The following CACNA2D1 variants were observed in gnomAD, a reference collection of about 807,000 sequenced individuals.
CACNA2D1 encodes the protein voltage-dependent calcium channel subunit alpha-2/delta-1.
CACNA2D1 carries 53 observed loss-of-function variants against 171.5 expected under a neutral mutation model. That is an observed-to-expected ratio of 0.31 (90% CI 0.25 to 0.39). CACNA2D1 has a LOEUF of 0.39. CACNA2D1 is among the 10% of genes least tolerant of loss of function. The probability of loss-of-function intolerance (pLI) is 1.00; values close to 1 mark genes in which losing one functional copy is unlikely to be tolerated. For synonymous variants in CACNA2D1, 442 were observed against 443.1 expected, an observed-to-expected ratio of 1.00 and a Z score of 0.03; for missense variants, 903 against 1,299.8, an observed-to-expected ratio of 0.69 and a Z score of 4.69.
At chr7:82,008,884 G>A (rs1403098845) in intron 15 of CACNA2D1, among the ~76,000 whole-genome samples, 2 of 152,052 alleles carry the variant, frequency 1.3e-5, no homozygotes, top group African/African-American at 4.8e-5. Flanking sequence ...AATGAATTAG[G>A]GAGGAGAGAC....
chr7:81,974,853 A>C (rs1795668377), intron 24 of CACNA2D1, among the ~76,000 whole-genome samples: 1 of 151,988 alleles, frequency 6.6e-6, no homozygotes, highest in African/African-American at 2.4e-5. Flanking sequence ...AGCAATTAAA[A>C]CAGAAATCTT....
In CACNA2D1 at chr7:82,208,223, A is replaced by G. The variant is rs1197408297; in HGVS notation, c.295-37614T>C. Among the ~76,000 whole-genome samples, 4 of 152,190 alleles carry G rather than the reference A, an allele frequency of 2.6e-5. No homozygotes were observed. The East Asian group carries it at 7.7e-4, about 29-fold the overall frequency. The stretch of plus-strand genomic sequence containing the variant: ...CCTTTTAAATGTTTAATAAATATGC[A>G]TTATATAAGTGTATGTATAAATATA... On this transcript the variant is annotated intron_variant, in intron 3 of 38. Coordinates refer to ENST00000356860, the MANE Select transcript of CACNA2D1 (RefSeq NM_000722.4).
At chr7:82,329,520 C>T (rs944831490) in intron 3 of CACNA2D1, among the ~76,000 whole-genome samples, 2 of 152,128 alleles carry the variant, frequency 1.3e-5, no homozygotes, top group Admixed American at 6.6e-5. Flanking sequence ...CATTTATCTC[C>T]ATCTCTCAGA....
chr7:82,405,861 G>T (rs987181642), intron 1 of CACNA2D1, among the ~76,000 whole-genome samples: 1 of 151,964 alleles, frequency 6.6e-6, no homozygotes, highest in Non-Finnish European at 1.5e-5. Context: ...CATAGCTTTG[G>T]TGTTCATTTT....
intron 3 of CACNA2D1, among the ~76,000 whole-genome samples, chr7:82,323,563 T>C (rs1341306541): frequency 6.6e-6 from 1 of 152,180 alleles, no homozygotes; most frequent in Non-Finnish European, 1.5e-5. Context: ...ACCCCATGTT[T>C]GGTTTCATTC....
At position 82,443,644 on chromosome 7, in the gene CACNA2D1, G is replaced by A. The variant is rs1297817644; in HGVS notation, c.-185C>T. 2 of 1,293,948 alleles carry A rather than the reference G, an allele frequency of 1.5e-6. No homozygotes were observed. Among genetic ancestry groups the A allele is most frequent in the Non-Finnish European group, 9.7e-7 (1 of 1,028,254 alleles). 80.2% of individuals were successfully genotyped at this position (1,293,948 alleles called of 1,614,324 possible). On this transcript the variant is annotated 5_prime_UTR_variant, in exon 1 of 39. Transcript: ENST00000356860. ...GGCAAGGGCGGGAGCGGACGCCGAGGAAGGGGCGGTGGCGGGCGGACCCAC... is the reference window on the plus strand; with the variant it reads ...GGCAAGGGCGGGAGCGGACGCCGAGAAAGGGGCGGTGGCGGGCGGACCCAC...
At chr7:82,246,551 A>G (rs1804945278) in intron 3 of CACNA2D1, among the ~76,000 whole-genome samples, 1 of 152,110 alleles carries the variant, frequency 6.6e-6, no homozygotes, top group Admixed American at 6.6e-5. Flanking sequence ...CTGATCTGTG[A>G]GTGTATGAGT....
rs113362103 is a variant in CACNA2D1, at chr7:82,111,292, G to GTATA, written c.526+5748_526+5751dup. 8.3e-3 allele frequency among the ~76,000 whole-genome samples: 1,005 copies of GTATA among 120,836 alleles called. 28 individuals are homozygous for GTATA. Among genetic ancestry groups the GTATA allele is most frequent in the African/African-American group, 0.028 (913 of 32,258 alleles). The allele number at this position is 120,836 out of a possible 152,430, so 79.3% of individuals were successfully genotyped here. A position where few individuals can be genotyped will look rare whatever the true frequency, so the allele number is the denominator to read the frequency against. ...TACACACACATATATATATGTCTGG[G>GTATA]TATATATATATATATATATATACGT... On this transcript the variant is annotated intron_variant, in intron 6 of 38. Transcript: ENST00000356860.
intron 5 of CACNA2D1, among the ~76,000 whole-genome samples, chr7:82,131,024 G>A (rs146454977): frequency 2.6e-5 from 4 of 151,944 alleles, no homozygotes; most frequent in Non-Finnish European, 4.4e-5. Context: ...GGATGGTCTC[G>A]ATCTCTTGAC....
At chr7:81,999,340 A>G (rs1402466819) in intron 18 of CACNA2D1, among the ~76,000 whole-genome samples, 1 of 152,202 alleles carries the variant, frequency 6.6e-6, no homozygotes, top group Middle Eastern at 3.2e-3. Context: ...AGAAAGCACC[A>G]AGAGAGGCTG....
At chr7:82,342,010 C>T (rs760932919) in intron 2 of CACNA2D1, among the ~76,000 whole-genome samples, 38 of 141,954 alleles carry the variant, frequency 2.7e-4, no homozygotes, top group Middle Eastern at 7.7e-3. Context: ...GCTGAGATCG[C>T]GCCACGGTGC....
chr7:82,029,483 C>A (rs1584474685), intron 12 of CACNA2D1: 1 of 151,792 alleles, frequency 6.6e-6, no homozygotes, highest in Admixed American at 6.6e-5. Flanking sequence ...CACAACTTGA[C>A]CCTGAGTTAA....
intron 3 of CACNA2D1, among the ~76,000 whole-genome samples, chr7:82,305,257 A>G (rs1370505769): frequency 6.6e-6 from 1 of 152,198 alleles, no homozygotes; most frequent in Admixed American, 6.5e-5. Flanking sequence ...AATGATTCTT[A>G]AAGTAAATAT....
intron 1 of CACNA2D1, among the ~76,000 whole-genome samples, chr7:82,435,746 T>C (rs1477931241): frequency 1.3e-5 from 2 of 152,108 alleles, no homozygotes; most frequent in African/African-American, 4.8e-5. Flanking sequence ...CCTATTACTT[T>C]TTTTTTTTAA....
intron 10 of CACNA2D1, among the ~76,000 whole-genome samples, chr7:82,056,019 A>AT (rs1347455108): frequency 1.5e-4 from 22 of 144,398 alleles, no homozygotes; most frequent in South Asian, 2.2e-4. Context: ...TAAAAAAAAA[A>AT]AAAAAAAAAA....
intron 1 of CACNA2D1, among the ~76,000 whole-genome samples, chr7:82,377,904 T>C (rs1823205309): frequency 1.3e-5 from 2 of 152,198 alleles, no homozygotes; most frequent in Admixed American, 1.3e-4. Flanking sequence ...TACTACATTT[T>C]GGCTTTATCT....
intron 24 of CACNA2D1, 65 bp from the exon 25 acceptor site, chr7:81,974,617 A>G (rs1795636433): frequency 2.4e-6 from 2 of 816,366 alleles, no homozygotes; most frequent in Non-Finnish European, 3.9e-6. Context: ...AATTAAAGGT[A>G]GTGAAAACAC....
At chr7:82,275,090 T>C (rs1809153369) in intron 3 of CACNA2D1, among the ~76,000 whole-genome samples, 1 of 152,148 alleles carries the variant, frequency 6.6e-6, no homozygotes, top group Non-Finnish European at 1.5e-5. Context: ...ATGAAATATA[T>C]AGACTGCTTT....
rs146089061 is a variant in CACNA2D1 at position 82,406,064 on chromosome 7, G to A, written c.95+37301C>T. On this transcript the variant is annotated intron_variant, in intron 1 of 38. Coordinates refer to ENST00000356860, the MANE Select transcript of CACNA2D1 (RefSeq NM_000722.4). ...CTCCCCCAACCCTACGACAGGCCCC[G>A]GTGTGTGGTATTCCCCACCCTGTGT... 3.0e-3 allele frequency among the ~76,000 whole-genome samples: 460 copies of A among 151,464 alleles called. 3 individuals are homozygous for A. Among genetic ancestry groups the A allele is most frequent in the African/African-American group, 0.01 (428 of 41,272 alleles).
Sources: gnomAD v4.1 joint callset for allele counts (sites outside exome capture counted in the v4.1 genomes callset) on GRCh38, gnomAD v4.1.1 for gene constraint, MANE v1.5 for transcripts, NCBI Gene and HGNC (gene_info 2026-07-23, HGNC 2026-07-21) for gene names.